COL25A1: variants seen among roughly 807,000 people sequenced by gnomAD.
The protein encoded by COL25A1 is collagen type XXV alpha 1 chain.
COL25A1 carries 103 observed loss-of-function variants against 128.4 expected under a neutral mutation model. That is an observed-to-expected ratio of 0.80 (90% CI 0.68 to 0.94). The LOEUF is 0.94. Among genes scored for constraint, COL25A1 ranks in the 40% least tolerant of loss-of-function variants. The pLI is 0.00. For missense variants in COL25A1, 745 were observed against 840.0 expected (o/e 0.89, Z 1.40); for synonymous variants, 279 against 277.2 (o/e 1.01, Z -0.06).
At chr4:108,961,052 T>C (rs1750625184) in intron 8 of COL25A1, among the ~76,000 whole-genome samples, 1 of 152,194 alleles carries the variant, frequency 6.6e-6, no homozygotes, top group Admixed American at 6.5e-5. Context: ...TAACAATTTT[T>C]GTGCAAAAAG....
intron 11 of COL25A1, among the ~76,000 whole-genome samples, chr4:108,927,255 A>G (rs1381236195): frequency 6.6e-6 from 1 of 152,098 alleles, no homozygotes; most frequent in Non-Finnish European, 1.5e-5. Context: ...GCACATTTCA[A>G]CTGGCTATAT....
intron 3 of COL25A1, among the ~76,000 whole-genome samples, chr4:109,195,404 T>C (rs1205977035): frequency 6.6e-6 from 1 of 152,220 alleles, no homozygotes; most frequent in Non-Finnish European, 1.5e-5. Flanking sequence ...TGGATACAAC[T>C]TTATATCGAC....
intron 5 of COL25A1, among the ~76,000 whole-genome samples, chr4:109,015,757 G>A (rs1348320450): frequency 1.3e-5 from 2 of 152,214 alleles, no homozygotes; most frequent in Non-Finnish European, 2.9e-5. Context: ...ATTCACAGGA[G>A]GTTGAAAGTT....
chr4:109,207,211 CCAAA>C (rs1777078736), intron 3 of COL25A1, among the ~76,000 whole-genome samples: 1 of 152,082 alleles, frequency 6.6e-6, no homozygotes, highest in Admixed American at 6.6e-5. Context: ...TAGGAAGCTG[CCAAA>C]CAAAGAAATA....
At chr4:109,273,068 G>C (rs1782310189) in intron 3 of COL25A1, among the ~76,000 whole-genome samples, 1 of 152,164 alleles carries the variant, frequency 6.6e-6, no homozygotes. Context: ...CTGGGGAAGG[G>C]AGGATGGGAA....
In COL25A1 at chr4:109,302,274, G is replaced by C. The variant is rs888537021; in HGVS notation, c.-162C>G. The C allele has an allele frequency of 6.2e-6, 3 of 487,720 alleles. No individual in the cohort carries two copies. Among genetic ancestry groups the C allele is most frequent in the Admixed American group, 3.8e-5 (1 of 26,086 alleles). 30.2% of individuals were successfully genotyped at this position (487,720 alleles called of 1,614,324 possible). ...ACCCTCCGTCCGGGGACTGGGTGGC[G>C]GTGGGGTAAAAAGCAAGACGAAACC... On this transcript the variant is annotated 5_prime_UTR_variant, in exon 1 of 38. Transcript: ENST00000399132.
intron 8 of COL25A1, 40 bp from the exon 9 acceptor site, chr4:108,941,477 T>G: frequency 6.9e-7 from 1 of 1,459,112 alleles, no homozygotes; most frequent in Non-Finnish European, 9.6e-7. Flanking sequence ...AGTTCAGAGA[T>G]GAGAGAGTTG....
chr4:108,937,153 A>G (rs1267586183), intron 11 of COL25A1, among the ~76,000 whole-genome samples: 5 of 152,054 alleles, frequency 3.3e-5, no homozygotes, highest in Admixed American at 3.3e-4. Context: ...CATAACATAG[A>G]TTAGAAAGGC....
chr4:109,179,525 G>T (rs1472212537), intron 3 of COL25A1, among the ~76,000 whole-genome samples: 1 of 152,180 alleles, frequency 6.6e-6, no homozygotes, highest in Admixed American at 6.5e-5. Flanking sequence ...ATAGAGAAAG[G>T]TAATTCCCAT....
At chr4:109,154,148 C>T (rs1436097680) in intron 3 of COL25A1, among the ~76,000 whole-genome samples, 1 of 152,164 alleles carries the variant, frequency 6.6e-6, no homozygotes, top group African/African-American at 2.4e-5. Context: ...TGATTATCAT[C>T]TTTATGATAA....
At chr4:108,979,949 T>C (rs1401407250) in intron 6 of COL25A1, among the ~76,000 whole-genome samples, 1 of 151,888 alleles carries the variant, frequency 6.6e-6, no homozygotes, top group Non-Finnish European at 1.5e-5. Flanking sequence ...CGATGGAAGA[T>C]GGAGGGAGGA....
intron 3 of COL25A1, among the ~76,000 whole-genome samples, chr4:109,054,275 G>A (rs931397457): frequency 6.6e-6 from 1 of 152,160 alleles, no homozygotes; most frequent in African/African-American, 2.4e-5. Flanking sequence ...GGAACACAGA[G>A]TTAAAAACCT....
chr4:109,288,897 A>G (rs536309409), intron 3 of COL25A1, among the ~76,000 whole-genome samples: 101 of 151,850 alleles, frequency 6.7e-4, no homozygotes, highest in Admixed American at 2.3e-3. Context: ...TCCATAGGTT[A>G]GGAATATGAA....
At chr4:108,820,046 A>G (rs1414435141) in intron 35 of COL25A1, 10 of 396,142 alleles carry the variant, frequency 2.5e-5, no homozygotes, top group Non-Finnish European at 4.4e-5. Flanking sequence ...AACAGCTAAC[A>G]TATTTTCAGA....
At chr4:108,957,739 C>T (rs144199111) in intron 8 of COL25A1, among the ~76,000 whole-genome samples, 50 of 152,226 alleles carry the variant, frequency 3.3e-4, no homozygotes, top group African/African-American at 1.2e-3. Context: ...GCTGGCAGGG[C>T]CGATTGTCTA....
intron 5 of COL25A1, among the ~76,000 whole-genome samples, chr4:109,042,115 C>T (rs1349681073): frequency 2.6e-5 from 4 of 152,026 alleles, no homozygotes; most frequent in African/African-American, 9.7e-5. Flanking sequence ...ATTTGCAGCT[C>T]TTTGCCCCTT....
intron 5 of COL25A1, among the ~76,000 whole-genome samples, chr4:109,016,738 T>C (rs1757250263): frequency 6.6e-6 from 1 of 152,182 alleles, no homozygotes; most frequent in Non-Finnish European, 1.5e-5. Flanking sequence ...GTCTCCTATC[T>C]GCTGAGAGTT....
chr4:108,937,134 T>C (rs916134347), intron 11 of COL25A1, among the ~76,000 whole-genome samples: 1 of 152,024 alleles, frequency 6.6e-6, no homozygotes, highest in African/African-American at 2.4e-5. Context: ...TTCCCAATAG[T>C]GTTCACATCA....
At chr4:108,865,837 T>C (rs925512582) in intron 20 of COL25A1, among the ~76,000 whole-genome samples, 1 of 152,212 alleles carries the variant, frequency 6.6e-6, no homozygotes, top group African/African-American at 2.4e-5. Flanking sequence ...GGCACTATCA[T>C]AGCACACTAT....
Sources: gnomAD v4.1 joint callset for allele counts (sites outside exome capture counted in the v4.1 genomes callset) on GRCh38, gnomAD v4.1.1 for gene constraint, MANE v1.5 for transcripts, NCBI Gene and HGNC (gene_info 2026-07-23, HGNC 2026-07-21) for gene names.